The following ODF2 variants were observed in gnomAD, a reference collection of about 807,000 sequenced individuals.
The protein encoded by ODF2 is outer dense fiber protein 2.
ODF2 carries 47 observed loss-of-function variants against 110.2 expected under a neutral mutation model. The observed-to-expected ratio is 0.43, with a 90% confidence interval of 0.34 to 0.54. The LOEUF (loss-of-function observed/expected upper bound fraction) is 0.54. ODF2 is among the 20% of genes least tolerant of loss of function. ODF2 has a pLI of 0.03. For synonymous variants in ODF2, 352 were observed against 397.7 expected (o/e 0.89, Z 1.37); for missense variants, 812 against 1,054.5 (o/e 0.77, Z 3.19).
chr9:128,477,666 C>T (rs79114584), intron 8 of ODF2, among the ~76,000 whole-genome samples: 5 of 150,456 alleles, frequency 3.3e-5, no homozygotes, highest in African/African-American at 9.8e-5. Context: ...AGTGCAGTGG[C>T]GCAATCTCAG....
Position 128,494,363 on chromosome 9 carries a change from C to G in ODF2, c.1753-147C>G, listed in dbSNP as rs974486728. The G allele has an allele frequency of 4.2e-5, 29 of 683,256 alleles. No individual in the cohort carries two copies. The highest frequency in any genetic ancestry group is 6.7e-5 in the Non-Finnish European group (27 of 400,750). The allele number at this position is 683,256 out of a possible 1,614,324, so 42.3% of individuals were successfully genotyped here. On this transcript the variant is annotated intron_variant, in intron 16 of 20. Coordinates refer to ENST00000604420, the Ensembl canonical transcript of ODF2. The surrounding 1 kb of genome is among the most constrained non-coding windows in gnomAD (Gnocchi z 4.6). ...TGGCCAGCGGGGAGTGTAGGCCACA[C>G]TTCTGCTGTGGATTTTGCAGGATCC...
intron 3 of ODF2, chr9:128,460,592 G>A (rs186122338): frequency 1.2e-6 from 2 of 1,613,904 alleles, no homozygotes; most frequent in Admixed American, 1.7e-5. Flanking sequence ...CCCCTTACAT[G>A]TTCACGTGGA....
At chr9:128,469,388 C>T (rs1284549872) in intron 5 of ODF2, 35 bp downstream of exon 5, 3 of 1,607,610 alleles carry the variant, frequency 1.9e-6, no homozygotes, top group Non-Finnish European at 2.6e-6. Flanking sequence ...AGCTACTACC[C>T]TGAGGATGTG....
intron 8 of ODF2, among the ~76,000 whole-genome samples, chr9:128,477,637 G>T (rs1034738659): frequency 1.4e-5 from 2 of 148,056 alleles, no homozygotes; most frequent in African/African-American, 5.0e-5. Flanking sequence ...ACGGAGTCTC[G>T]CTCTGTCACC....
In ODF2 at chr9:128,471,479, TC is replaced by T. The variant is rs1486403637; in HGVS notation, c.581+13del. The T allele has an allele frequency of 6.2e-7, 1 of 1,611,318 alleles. No homozygotes were observed. The highest frequency in any genetic ancestry group is 8.5e-7 in the Non-Finnish European group (1 of 1,178,832). ...GAAGGACTTCACCATGTAAGGTGGCTCCTGCTCTGTCCCCGCTGATCTATTC... is the reference window on the plus strand; with the variant it reads ...GAAGGACTTCACCATGTAAGGTGGCTCTGCTCTGTCCCCGCTGATCTATTC... On this transcript the variant is annotated intron_variant, in intron 6 of 20. Coordinates refer to ENST00000604420, the Ensembl canonical transcript of ODF2.
intron 6 of ODF2, among the ~76,000 whole-genome samples, chr9:128,472,163 C>T (rs1840180200): frequency 6.6e-6 from 1 of 152,022 alleles, no homozygotes; most frequent in African/African-American, 2.4e-5. Context: ...GCCTATAATC[C>T]TAGCTACTCT....
chr9:128,483,885 G>T (rs2132030360), intron 10 of ODF2, 53 bp from the exon 11 acceptor site: 1 of 1,308,828 alleles, frequency 7.6e-7, no homozygotes. Context: ...GACTCCGTAT[G>T]AAAAAAACAA....
intron 13 of ODF2, among the ~76,000 whole-genome samples, chr9:128,486,503 T>C (rs1843378973): frequency 6.6e-6 from 1 of 152,204 alleles, no homozygotes; most frequent in Non-Finnish European, 1.5e-5. Flanking sequence ...TGTTCAGTGG[T>C]GGACTGTAAT....
chr9:128,484,451 A>G (rs1842997179), intron 11 of ODF2, among the ~76,000 whole-genome samples: 1 of 152,152 alleles, frequency 6.6e-6, no homozygotes. Context: ...AGGATTCCAG[A>G]GCAGTTCTGA....
intron 4 of ODF2, among the ~76,000 whole-genome samples, chr9:128,467,744 C>CA (rs5900797): frequency 0.89 from 105,446 of 117,888 alleles, 47,181 homozygotes; most frequent in South Asian, 0.95. Flanking sequence ...GACCCTGTCT[C>CA]AAAAAAAAAA....
At chr9:128,483,399 C>T (rs530550293) in intron 10 of ODF2, among the ~76,000 whole-genome samples, 20 of 151,604 alleles carry the variant, frequency 1.3e-4, no homozygotes, top group Non-Finnish European at 2.2e-4. Flanking sequence ...ACAGGGAGAC[C>T]CCATCTCTAC....
intron 1 of ODF2, 176 bp downstream of exon 1, chr9:128,456,431 C>T: frequency 1.3e-6 from 2 of 1,497,598 alleles, no homozygotes; most frequent in South Asian, 2.5e-5. Flanking sequence ...CCCACCGGCG[C>T]GGGGCCTCTC....
chr9:128,473,368 A>C, intron 7 of ODF2: 1 of 694,648 alleles, frequency 1.4e-6, no homozygotes, highest in Non-Finnish European at 1.8e-6. Context: ...GTCTGCCCTG[A>C]CTGTGCTCAC....
chr9:128,456,540 T>C (rs529175835), intron 1 of ODF2: 1 of 1,527,266 alleles, frequency 6.5e-7, no homozygotes, highest in South Asian at 1.2e-5. Context: ...TTCACCTTTC[T>C]CTCTATGGGC....
chr9:128,462,598 T>G (rs1308665696), intron 4 of ODF2, among the ~76,000 whole-genome samples: 3 of 151,040 alleles, frequency 2.0e-5, no homozygotes, highest in Non-Finnish European at 2.9e-5. Context: ...GGGATTTTGT[T>G]TTTTTGTTTT....
At chr9:128,482,722 C>G in intron 9 of ODF2, 94 bp from the exon 10 acceptor site, 1 of 875,336 alleles carries the variant, frequency 1.1e-6, no homozygotes, top group African/African-American at 1.7e-5. Context: ...GGACCTTGGG[C>G]CCCAGTGGCC....
rs199897235 is a variant in ODF2 at position 128,473,573 on chromosome 9, C to G, written c.712-37C>G. ...CCATGGGGCCTGCTTCTTCCCTTCT[C>G]CCCCTGCATCTGTAAGACTGGCTAC... On this transcript the variant is annotated intron_variant, in intron 7 of 20. Transcript: ENST00000604420. The G allele has an allele frequency of 6.8e-6, 11 of 1,610,110 alleles. No homozygotes were observed. The East Asian group carries it at 2.0e-4, about 29-fold the overall frequency.
chr9:128,499,923 A>T, intron 20 of ODF2, 144 bp from the exon 21 acceptor site: 1 of 739,122 alleles, frequency 1.4e-6, no homozygotes, highest in Non-Finnish European at 2.2e-6. Context: ...GAATATTTTC[A>T]GAAAGAAACC....
chr9:128,455,216 C>G (rs534985018), upstream of ODF2: 1 of 1,535,420 alleles, frequency 6.5e-7, no homozygotes, highest in Non-Finnish European at 8.7e-7. Flanking sequence ...CAGCAAGGAC[C>G]TCATCAGAAT....
Sources: allele counts gnomAD v4.1 joint callset (sites outside exome capture counted in the v4.1 genomes callset), GRCh38; gene constraint gnomAD v4.1.1; non-coding constraint Gnocchi (gnomAD v3.1); transcripts MANE v1.5; gene names NCBI Gene and HGNC (gene_info 2026-07-23, HGNC 2026-07-21).